The following CHRM3 variants were observed in gnomAD, a reference collection of about 807,000 sequenced individuals.
CHRM3 encodes cholinergic receptor muscarinic 3, also known as muscarinic acetylcholine receptor M3.
Under a neutral mutation model 41.8 loss-of-function variants are expected in CHRM3, and 11 were observed. The ratio of observed to expected loss-of-function variants is 0.26; its 90% CI spans 0.17 to 0.44. CHRM3 has a LOEUF of 0.44. Among genes scored for constraint, CHRM3 ranks in the 20% least tolerant of loss-of-function variants. The pLI is 1.00. For missense variants in CHRM3, 571 were observed against 745.4 expected, an observed-to-expected ratio of 0.77 and a Z score of 2.72; for synonymous variants, 297 against 301.4, an observed-to-expected ratio of 0.99 and a Z score of 0.15.
intron 6 of CHRM3, among the ~76,000 whole-genome samples, chr1:239,905,302 CT>C (rs1679885193): frequency 6.6e-6 from 1 of 152,158 alleles, no homozygotes; most frequent in African/African-American, 2.4e-5. Flanking sequence ...TTCAGATTGT[CT>C]GGATGGAACT....
At position 239,882,193 on chromosome 1, in the gene CHRM3, C is replaced by G. The variant is rs543557576; in HGVS notation, c.-19-25240C>G. On this transcript the variant is annotated intron_variant, in intron 6 of 6. Transcript: ENST00000676153. Reference sequence around the variant, plus strand: ...AAAGTGCTGGGATTACAGGTGTGAGCCACCGCCCCAGCCCAATGTACTCAT... The same window carrying G: ...AAAGTGCTGGGATTACAGGTGTGAGGCACCGCCCCAGCCCAATGTACTCAT... Among the ~76,000 whole-genome samples, 188 of 152,288 alleles carry G rather than the reference C, an allele frequency of 1.2e-3. 1 individual carries two copies. The highest frequency in any genetic ancestry group is 4.4e-3 in the African/African-American group (182 of 41,560).
At chr1:239,764,523 A>G (rs1667049250) in intron 5 of CHRM3, among the ~76,000 whole-genome samples, 1 of 152,148 alleles carries the variant, frequency 6.6e-6, no homozygotes, top group South Asian at 2.1e-4. Context: ...GGGTATGGGC[A>G]AGGGGGTGAA....
chr1:239,855,570 CAT>C (rs1485355873), intron 6 of CHRM3, among the ~76,000 whole-genome samples: 1 of 151,718 alleles, frequency 6.6e-6, no homozygotes, highest in Non-Finnish European at 1.5e-5. Flanking sequence ...TTTTTTCACT[CAT>C]ACACACAAAC....
intron 3 of CHRM3, among the ~76,000 whole-genome samples, chr1:239,586,612 A>T (rs1663429316): frequency 6.6e-6 from 1 of 152,166 alleles, no homozygotes; most frequent in Non-Finnish European, 1.5e-5. Context: ...TTCTTTTAGA[A>T]ATATTTCAGT....
intron 1 of CHRM3, among the ~76,000 whole-genome samples, chr1:239,487,442 A>T (rs1428629104): frequency 6.6e-6 from 1 of 152,162 alleles, no homozygotes; most frequent in African/African-American, 2.4e-5. Context: ...ATTAACACTT[A>T]GATTTTGGGA....
chr1:239,564,971 C>A (rs143065292), intron 3 of CHRM3, among the ~76,000 whole-genome samples: 1 of 152,292 alleles, frequency 6.6e-6, no homozygotes, highest in East Asian at 1.9e-4. Flanking sequence ...TCCCCGGAGG[C>A]TCCAGGGGAG....
chr1:239,848,622 T>G, intron 6 of CHRM3, among the ~76,000 whole-genome samples: 1 of 152,144 alleles, frequency 6.6e-6, no homozygotes, highest in East Asian at 1.9e-4. Flanking sequence ...TGTTCACACC[T>G]AGGAAGCAGC....
chr1:239,467,910 A>C (rs1478982172), intron 1 of CHRM3, among the ~76,000 whole-genome samples: 3 of 151,302 alleles, frequency 2.0e-5, no homozygotes, highest in East Asian at 3.9e-4. Context: ...CCCCCCCCCA[A>C]CGTTATTCCA....
Position 239,778,818 on chromosome 1 carries a change from T to C in CHRM3, c.-146-48434T>C, listed in dbSNP as rs149236946. On this transcript the variant is annotated intron_variant, in intron 5 of 6. Transcript: ENST00000676153. ...CGATTACAGGGGATGCCAGGTCCTA[T>C]TCATTTTGGCCTTTTTTGTCCAACT... Among the ~76,000 whole-genome samples the C allele has an allele frequency of 3.2e-3, 489 of 152,306 alleles. 4 individuals are homozygous for C. The highest frequency in any genetic ancestry group is 0.011 in the African/African-American group (472 of 41,576).
At chr1:239,602,662 G>A (rs1289650502) in intron 3 of CHRM3, among the ~76,000 whole-genome samples, 3 of 152,096 alleles carry the variant, frequency 2.0e-5, no homozygotes, top group Admixed American at 2.0e-4. Flanking sequence ...AGCATTATTT[G>A]CAGTAATAGT....
At chr1:239,766,714 G>GATATAGATAGATATAC (rs902481466) in intron 5 of CHRM3, among the ~76,000 whole-genome samples, 5 of 119,878 alleles carry the variant, frequency 4.2e-5, no homozygotes, top group African/African-American at 1.4e-4. Flanking sequence ...TATAGATATA[G>GATATAGATAGATATAC]ATATAATTTT....
chr1:239,500,360 G>A (rs764160268), intron 2 of CHRM3, among the ~76,000 whole-genome samples: 23 of 150,994 alleles, frequency 1.5e-4, no homozygotes, highest in Admixed American at 6.7e-5. Context: ...GCAAACTACC[G>A]CAAGGACAAA....
chr1:239,862,162 T>A, intron 6 of CHRM3, among the ~76,000 whole-genome samples: 1 of 152,322 alleles, frequency 6.6e-6, no homozygotes, highest in African/African-American at 2.4e-5. Flanking sequence ...TCCCTCATGG[T>A]TTTTGTATTT....
chr1:239,629,919 A>G (rs906619195), intron 3 of CHRM3, among the ~76,000 whole-genome samples: 1 of 152,148 alleles, frequency 6.6e-6, no homozygotes, highest in Non-Finnish European at 1.5e-5. Context: ...CCTTTGAGCC[A>G]TGTTTACTGG....
At chr1:239,778,963 C>CA (rs1270434916) in intron 5 of CHRM3, among the ~76,000 whole-genome samples, 7 of 151,998 alleles carry the variant, frequency 4.6e-5, no homozygotes, top group Admixed American at 4.6e-4. Flanking sequence ...ATTCTTCCTT[C>CA]AAAAAAGATG....
chr1:239,543,209 G>A (rs771668154), intron 2 of CHRM3, among the ~76,000 whole-genome samples: 2 of 152,262 alleles, frequency 1.3e-5, no homozygotes, highest in East Asian at 3.9e-4. Flanking sequence ...ACACTATCCC[G>A]GTGGCCATCT....
At chr1:239,838,552 C>G (rs2149141877) in intron 6 of CHRM3, among the ~76,000 whole-genome samples, 1 of 152,244 alleles carries the variant, frequency 6.6e-6, no homozygotes, top group African/African-American at 2.4e-5. Flanking sequence ...TGCAAATGAT[C>G]TCATGTTCCT....
chr1:239,624,351 T>G lies in CHRM3; in HGVS notation c.-312-7873T>G, dbSNP rs1271657400. Among the ~76,000 whole-genome samples, 5 of 55,900 alleles carry G rather than the reference T, an allele frequency of 8.9e-5. No individual in the cohort carries two copies. The East Asian group carries it at 1.8e-3, about 20-fold the overall frequency. The allele number at this position is 55,900 out of a possible 152,430, so 36.7% of individuals were successfully genotyped here. ...GCCCACTTTTTGATGGGGTTGTTTGTTTTTTTCTTGTAAATTTGTTTGAGT... is the reference window on the plus strand; with the variant it reads ...GCCCACTTTTTGATGGGGTTGTTTGGTTTTTTCTTGTAAATTTGTTTGAGT... On this transcript the variant is annotated intron_variant, in intron 3 of 6. Transcript: ENST00000676153.
chr1:239,547,764 C>T (rs1163769126), intron 3 of CHRM3, among the ~76,000 whole-genome samples: 1 of 152,110 alleles, frequency 6.6e-6, no homozygotes, highest in Non-Finnish European at 1.5e-5. Flanking sequence ...ATTTAAAGGA[C>T]TTTCATAAAT....
Sources: allele counts gnomAD v4.1 joint callset (sites outside exome capture counted in the v4.1 genomes callset), GRCh38; gene constraint gnomAD v4.1.1; transcripts MANE v1.5; gene names NCBI Gene and HGNC (gene_info 2026-07-23, HGNC 2026-07-21).